CNTNAP5: variants seen among roughly 807,000 people sequenced by gnomAD.
The protein encoded by CNTNAP5 is contactin associated protein family member 5.
CNTNAP5 carries 72 observed loss-of-function variants against 150.2 expected under a neutral mutation model. The observed-to-expected ratio is 0.48, with a 90% CI of 0.40 to 0.58. The LOEUF is 0.58. CNTNAP5 is among the 20% of genes least tolerant of loss of function. The pLI, the probability that CNTNAP5 is intolerant of heterozygous loss-of-function variation, is 0.00. For synonymous variants in CNTNAP5, 672 were observed against 619.8 expected, an observed-to-expected ratio of 1.08 and a Z score of -1.25; for missense variants, 1,636 against 1,626.2, an observed-to-expected ratio of 1.01 and a Z score of -0.10.
chr2:124,607,170 A>T (rs1406952680), intron 11 of CNTNAP5, among the ~76,000 whole-genome samples: 1 of 152,198 alleles, frequency 6.6e-6, no homozygotes, highest in Non-Finnish European at 1.5e-5. Context: ...GAAACAACAG[A>T]CATTATCATC....
chr2:124,620,107 G>T (rs13417879), intron 12 of CNTNAP5, among the ~76,000 whole-genome samples: 1 of 151,536 alleles, frequency 6.6e-6, no homozygotes, highest in African/African-American at 2.4e-5. Context: ...TCCCCACAGG[G>T]CTGTGAGCTC....
intron 21 of CNTNAP5, among the ~76,000 whole-genome samples, chr2:124,873,639 G>A (rs1677795607): frequency 1.3e-5 from 2 of 152,048 alleles, no homozygotes; most frequent in African/African-American, 4.8e-5. Context: ...TTGGAACAAG[G>A]AAACCAAACC....
chr2:124,739,173 C>A (rs1680449584), intron 13 of CNTNAP5, among the ~76,000 whole-genome samples: 1 of 152,102 alleles, frequency 6.6e-6, no homozygotes, highest in African/African-American at 2.4e-5. Context: ...CACTTCAATT[C>A]AACAGGCAGG....
At chr2:124,156,979 A>T (rs1684562194) in intron 1 of CNTNAP5, among the ~76,000 whole-genome samples, 1 of 152,208 alleles carries the variant, frequency 6.6e-6, no homozygotes, top group Admixed American at 6.5e-5. Flanking sequence ...CCTGATAGTT[A>T]TGGAAAGCAG....
chr2:124,057,448 ATTTTTTT>A (rs556571236), intron 1 of CNTNAP5, among the ~76,000 whole-genome samples: 3 of 62,788 alleles, frequency 4.8e-5, no homozygotes, highest in Non-Finnish European at 8.0e-5. Context: ...CGGCCAGCTA[ATTTTTTT>A]TTTTTTTTTT....
Position 124,346,285 on chromosome 2 carries a change from G to A in CNTNAP5, c.382-71158G>A, listed in dbSNP as rs570982164. Among the ~76,000 whole-genome samples the A allele has an allele frequency of 6.6e-5, 10 of 152,248 alleles. No individual in the cohort carries two copies. The South Asian group carries it at 1.0e-3, about 16-fold the overall frequency. On this transcript the variant is annotated intron_variant, in intron 3 of 23. Transcript: ENST00000682447. The stretch of plus-strand genomic sequence containing the variant: ...CAGTGATGAAATAAGACTAGTATTC[G>A]TTCAAGGTCATTAGCAACATTGAGT...
At chr2:124,625,051 GTTA>G (rs1677690781) in intron 12 of CNTNAP5, among the ~76,000 whole-genome samples, 1 of 152,188 alleles carries the variant, frequency 6.6e-6, no homozygotes, top group African/African-American at 2.4e-5. Flanking sequence ...GTGAGGCTGG[GTTA>G]TTAAGGCCAG....
chr2:124,502,485 C>T (rs75121700), intron 7 of CNTNAP5, among the ~76,000 whole-genome samples: 3,397 of 152,224 alleles, frequency 0.022, 80 homozygotes, highest in African/African-American at 0.055. Context: ...TTGCCTTCTT[C>T]ATCTTTGTGA....
intron 19 of CNTNAP5, among the ~76,000 whole-genome samples, chr2:124,832,239 G>A (rs1682731128): frequency 6.6e-6 from 1 of 151,836 alleles, no homozygotes; most frequent in Admixed American, 6.6e-5. Context: ...TATTTATTAA[G>A]GATTTTCTTA....
chr2:124,484,774 A>G (rs1693834689), intron 7 of CNTNAP5, among the ~76,000 whole-genome samples: 2 of 152,190 alleles, frequency 1.3e-5, no homozygotes, highest in South Asian at 4.1e-4. Flanking sequence ...CCCCTTTAAG[A>G]ATGTAATGAA....
intron 1 of CNTNAP5, among the ~76,000 whole-genome samples, chr2:124,190,831 A>G (rs1558793914): frequency 6.6e-6 from 1 of 152,156 alleles, no homozygotes; most frequent in Non-Finnish European, 1.5e-5. Context: ...TGTAAATTCC[A>G]TGTCTGTGGG....
intron 3 of CNTNAP5, among the ~76,000 whole-genome samples, chr2:124,415,881 GT>G (rs768802986): frequency 1.9e-4 from 29 of 152,058 alleles, no homozygotes; most frequent in Non-Finnish European, 3.7e-4. Flanking sequence ...TATATTAGGT[GT>G]GAGCCTTTGG....
At chr2:124,607,276 T>C (rs538540816) in intron 11 of CNTNAP5, among the ~76,000 whole-genome samples, 1 of 152,162 alleles carries the variant, frequency 6.6e-6, no homozygotes, top group Non-Finnish European at 1.5e-5. Context: ...GCTGCTTTCG[T>C]TTTAAGGCTT....
At chr2:124,533,700 T>C (rs1695164453) in intron 10 of CNTNAP5, among the ~76,000 whole-genome samples, 1 of 152,210 alleles carries the variant, frequency 6.6e-6, no homozygotes, top group Non-Finnish European at 1.5e-5. Flanking sequence ...CTTCTGCCTC[T>C]GAGCTTTCCT....
At chr2:124,265,822 G>T (rs76673176) in intron 3 of CNTNAP5, among the ~76,000 whole-genome samples, 1,912 of 145,612 alleles carry the variant, frequency 0.013, 14 homozygotes, top group Non-Finnish European at 0.021. Context: ...GTTTCCATTT[G>T]CAGCATGAGA....
At chr2:124,038,135 T>C (rs1187043121) in intron 1 of CNTNAP5, among the ~76,000 whole-genome samples, 1 of 152,212 alleles carries the variant, frequency 6.6e-6, no homozygotes, top group Admixed American at 6.5e-5. Flanking sequence ...TTTTCACCAC[T>C]GATTATCACT....
intron 10 of CNTNAP5, among the ~76,000 whole-genome samples, chr2:124,551,677 T>G (rs72968797): frequency 0.079 from 11,989 of 152,224 alleles, 524 homozygotes; most frequent in African/African-American, 0.11. Flanking sequence ...GAGAATTCTT[T>G]AAAAGGGAGG....
chr2:124,514,757 G>A (rs1485646027), intron 8 of CNTNAP5, among the ~76,000 whole-genome samples: 2 of 152,112 alleles, frequency 1.3e-5, no homozygotes, highest in South Asian at 2.1e-4. Context: ...CAAATATGGA[G>A]GGAAGGAAAG....
intron 6 of CNTNAP5, among the ~76,000 whole-genome samples, chr2:124,451,029 T>TAAAAAAAAAAAAA (rs1156744323): frequency 5.0e-5 from 1 of 20,058 alleles, no homozygotes; most frequent in Non-Finnish European, 8.1e-5. Flanking sequence ...CCATGTCTCT[T>TAAAAAAAAAAAAA]AAAAAAAAAA....
Sources: gnomAD v4.1 joint callset for allele counts (sites outside exome capture counted in the v4.1 genomes callset) on GRCh38, gnomAD v4.1.1 for gene constraint, MANE v1.5 for transcripts, NCBI Gene and HGNC (gene_info 2026-07-23, HGNC 2026-07-21) for gene names.